The following KCNMA1 variants were observed in gnomAD, a reference collection of about 807,000 sequenced individuals.
KCNMA1 encodes Calcium-activated potassium channel subunit alpha-1.
Under a neutral mutation model 140.0 loss-of-function variants are expected in KCNMA1, and 29 were observed. That is an observed-to-expected ratio of 0.21 (90% CI 0.15 to 0.28). KCNMA1 has a LOEUF of 0.28. Among genes scored for constraint, KCNMA1 ranks in the 10% least tolerant of loss-of-function variants. The pLI, the probability that KCNMA1 is intolerant of heterozygous loss-of-function variation, is 1.00. For synonymous variants in KCNMA1, 612 were observed against 611.9 expected (o/e 1.00, Z 0.00); for missense variants, 880 against 1,602.2 (o/e 0.55, Z 7.70).
chr10:77,313,617 C>T (rs897984836), intron 2 of KCNMA1, among the ~76,000 whole-genome samples: 1 of 152,172 alleles, frequency 6.6e-6, no homozygotes, highest in Non-Finnish European at 1.5e-5. Context: ...AGGATCCTGG[C>T]AACCCCAGGA....
intron 5 of KCNMA1, among the ~76,000 whole-genome samples, chr10:77,161,763 C>T (rs2098557067): frequency 6.6e-6 from 1 of 152,202 alleles, no homozygotes; most frequent in Non-Finnish European, 1.5e-5. Flanking sequence ...CATGTCTTCT[C>T]ATGTTTACTC....
intron 5 of KCNMA1, among the ~76,000 whole-genome samples, chr10:77,151,402 A>G (rs765730682): frequency 1.3e-5 from 2 of 151,878 alleles, no homozygotes; most frequent in African/African-American, 2.4e-5. Flanking sequence ...TAATTTTTGT[A>G]TTTTTAGTAG....
At chr10:77,303,527 G>C (rs968997327) in intron 2 of KCNMA1, among the ~76,000 whole-genome samples, 1 of 152,120 alleles carries the variant, frequency 6.6e-6, no homozygotes, top group Non-Finnish European at 1.5e-5. Context: ...ACTTTGCAAT[G>C]AAGAATGTTT....
intron 3 of KCNMA1, among the ~76,000 whole-genome samples, chr10:77,239,153 C>A (rs557280333): frequency 6.6e-6 from 1 of 152,312 alleles, no homozygotes; most frequent in Admixed American, 6.5e-5. Context: ...AAGGCCTTGC[C>A]TTATTATTTC....
intron 2 of KCNMA1, chr10:77,354,686 A>G (rs2093305480): frequency 6.6e-6 from 1 of 152,194 alleles, no homozygotes; most frequent in Non-Finnish European, 1.5e-5. Flanking sequence ...CTAATAAAGA[A>G]TGGGTGTCTT....
intron 5 of KCNMA1, among the ~76,000 whole-genome samples, chr10:77,166,077 T>C (rs747387571): frequency 3.9e-5 from 6 of 152,318 alleles, no homozygotes; most frequent in Middle Eastern, 3.4e-3. Flanking sequence ...GTGTTTCCTA[T>C]AGGTCCCCTT....
At chr10:77,250,455 G>A (rs1255869033) in intron 3 of KCNMA1, 1 of 152,622 alleles carries the variant, frequency 6.6e-6, no homozygotes, top group African/African-American at 2.4e-5. Flanking sequence ...CAGGAATCAG[G>A]GCAGAACTGG....
chr10:77,637,555 G>T lies in KCNMA1; in HGVS notation c.88C>A (p.His30Asn). The change falls in exon 1 of 28, where the codon CAC becomes AAC. Residue 30 changes from histidine (H) to asparagine (N), a missense_variant. Physicochemically the swap from His to Asn is moderately conservative, Grantham distance 68. Around this residue, in one of 13 missense-constraint regions of KCNMA1, gnomAD observed 94 missense variants for 92.4 expected, o/e 1.02. Transcript: ENST00000286628. ...GCGTCTAGGCTGAGATGGTTCGCGT[G>T]GATATTGCTACTCATTCTAAGACTG... ...GSSLRMSSNI[H>N]ANHLSLDASS... The T allele has an allele frequency of 6.5e-7, 1 of 1,543,214 alleles. No individual in the cohort carries two copies. Among genetic ancestry groups the T allele is most frequent in the South Asian group, 1.2e-5 (1 of 84,320 alleles).
In KCNMA1 at chr10:77,134,890, C is replaced by T. The variant is rs11002039; in HGVS notation, c.809-13842G>A. Reference sequence around the variant, plus strand: ...GTGGGCACCTGTAGTCCCAGCTACTCGGCAGGCTGAGGCAGGAGAATGGCG... The same window carrying T: ...GTGGGCACCTGTAGTCCCAGCTACTTGGCAGGCTGAGGCAGGAGAATGGCG... On this transcript the variant is annotated intron_variant, in intron 5 of 27. Coordinates refer to ENST00000286628, the MANE Select transcript of KCNMA1 (RefSeq NM_001161352.2). Among the ~76,000 whole-genome samples, 2,130 of 146,980 alleles carry T rather than the reference C, an allele frequency of 0.014. 74 individuals carry two copies. In the East Asian group the frequency reaches 0.15, roughly 10 times the overall value.
chr10:77,295,787 CAAAA>C (rs36034012), intron 2 of KCNMA1, among the ~76,000 whole-genome samples: 7 of 43,246 alleles, frequency 1.6e-4, no homozygotes, highest in Non-Finnish European at 2.8e-4. Context: ...GACTCCGTCT[CAAAA>C]AAAAAAAAAA....
intron 20 of KCNMA1, 41 bp downstream of exon 20, chr10:76,969,933 G>A: frequency 6.7e-7 from 1 of 1,487,384 alleles, no homozygotes; most frequent in Non-Finnish European, 9.4e-7. Context: ...GGAAGAGAAG[G>A]GCTAAGAGGG....
intron 1 of KCNMA1, among the ~76,000 whole-genome samples, chr10:77,452,652 G>A (rs1445120402): frequency 6.6e-6 from 1 of 152,158 alleles, no homozygotes; most frequent in African/African-American, 2.4e-5. Flanking sequence ...TGGCCACTTG[G>A]CTTCTGCCAA....
chr10:77,210,806 C>A (rs970889070), intron 3 of KCNMA1, among the ~76,000 whole-genome samples: 1 of 152,128 alleles, frequency 6.6e-6, no homozygotes, highest in African/African-American at 2.4e-5. Flanking sequence ...AACACAGTCC[C>A]ATTGACAATA....
chr10:77,466,059 G>T (rs1298233885), intron 1 of KCNMA1, among the ~76,000 whole-genome samples: 1 of 152,202 alleles, frequency 6.6e-6, no homozygotes, highest in African/African-American at 2.4e-5. Context: ...CTTGGCGGGA[G>T]CATCAGGAAC....
intron 1 of KCNMA1, among the ~76,000 whole-genome samples, chr10:77,520,285 G>A (rs1188951795): frequency 3.2e-5 from 2 of 63,052 alleles, no homozygotes; most frequent in African/African-American, 1.2e-4. Context: ...TATGTGGTGT[G>A]AGGGTATGCA....
At chr10:76,877,750 C>T in exon 30 of KCNMA1, 1 of 1,554,780 alleles carries the variant, frequency 6.4e-7, no homozygotes, top group Non-Finnish European at 8.7e-7. Flanking sequence ...CAACATTCAT[C>T]TTCAACTTCT....
intron 15 of KCNMA1, among the ~76,000 whole-genome samples, chr10:77,031,961 A>G (rs973098704): frequency 2.6e-5 from 4 of 152,234 alleles, no homozygotes; most frequent in Non-Finnish European, 5.9e-5. Flanking sequence ...GTCTATGCAG[A>G]GAAAGCTTGG....
chr10:77,378,027 A>C (rs2095235475), intron 2 of KCNMA1, among the ~76,000 whole-genome samples: 1 of 152,216 alleles, frequency 6.6e-6, no homozygotes, highest in South Asian at 2.1e-4. Context: ...ACAAAGACAG[A>C]GGGGCTTTAT....
At chr10:77,445,628 AGGGACCT>A (rs2097514333) in intron 1 of KCNMA1, among the ~76,000 whole-genome samples, 1 of 152,104 alleles carries the variant, frequency 6.6e-6, no homozygotes, top group African/African-American at 2.4e-5. Context: ...GGAGGAAGGG[AGGGACCT>A]GAAACCCAAA....
Sources: gnomAD v4.1 joint callset for allele counts (sites outside exome capture counted in the v4.1 genomes callset) on GRCh38, gnomAD v4.1.1 for gene constraint, gnomAD v4.1.1 regional missense constraint, MANE v1.5 for transcripts, NCBI Gene and HGNC (gene_info 2026-07-23, HGNC 2026-07-21) for gene names.